Variants in PPM1F observed in about 807,000 individuals in gnomAD.
PPM1F encodes the protein protein phosphatase 1F.
In PPM1F, 17 loss-of-function variants were observed where a neutral mutation model predicts 35.5. The observed-to-expected ratio is 0.48, with a 90% CI of 0.33 to 0.72. The LOEUF (loss-of-function observed/expected upper bound fraction) is 0.72, where lower values mean the gene tolerates loss of function less well. Ranked by LOEUF, PPM1F falls within the 30% of genes least tolerant of loss-of-function variation. The pLI is 0.02. For missense variants in PPM1F, 521 were observed against 613.0 expected (o/e 0.85, Z 1.59); for synonymous variants, 241 against 255.5 (o/e 0.94, Z 0.54).
At chr22:21,928,709 G>A (rs1440914297) in intron 6 of PPM1F, among the ~76,000 whole-genome samples, 1 of 152,182 alleles carries the variant, frequency 6.6e-6, no homozygotes, top group Non-Finnish European at 1.5e-5. Flanking sequence ...CCTGAGGCTT[G>A]AGAGGTGGGA....
intron 6 of PPM1F, among the ~76,000 whole-genome samples, chr22:21,928,195 T>C (rs1424947045): frequency 6.6e-6 from 1 of 152,124 alleles, no homozygotes; most frequent in Non-Finnish European, 1.5e-5. Context: ...TGTGGGTTCC[T>C]GTGAACAGCC....
At position 21,952,779 on chromosome 22, in the gene PPM1F, C is replaced by A. The variant is rs547336608; in HGVS notation, c.-61+13G>T. On this transcript the variant is annotated intron_variant, in intron 1 of 7. Transcript: ENST00000263212. ...CGTCAGCCCTCTAATCCCGTCCCCC[C>A]CGGCCTCCTCACCCCTGGTCTCCGC... 2.5e-3 allele frequency: 381 copies of A among 152,486 alleles called. 2 individuals are homozygous for A. The highest frequency in any genetic ancestry group is 3.1e-3 in the Non-Finnish European group (214 of 68,216). The allele number at this position is 152,486 out of a possible 1,614,324, so 9.4% of individuals were successfully genotyped here.
intron 6 of PPM1F, among the ~76,000 whole-genome samples, chr22:21,927,444 T>C (rs972952428): frequency 6.6e-6 from 1 of 152,196 alleles, no homozygotes; most frequent in African/African-American, 2.4e-5. Context: ...AGCCTTTCTC[T>C]GCTTCTGTCT....
chr22:21,933,988 C>T (rs1039306508), intron 4 of PPM1F, 36 bp downstream of exon 4: 46 of 1,513,202 alleles, frequency 3.0e-5, no homozygotes, highest in Middle Eastern at 2.3e-4. Flanking sequence ...CCCGGTCCTC[C>T]GAAGCTGTCC....
intron 1 of PPM1F, chr22:21,951,926 G>A (rs933448313): frequency 6.6e-6 from 1 of 152,252 alleles, no homozygotes; most frequent in African/African-American, 2.4e-5. Context: ...TTTGACAACA[G>A]AAGAGACTGG....
intron 3 of PPM1F, chr22:21,938,222 C>T: frequency 2.3e-6 from 3 of 1,303,008 alleles, no homozygotes; most frequent in Non-Finnish European, 3.0e-6. Context: ...GGCGCTGTCT[C>T]CCGCGTGGAC....
In PPM1F at chr22:21,931,161, CT is replaced by C. The variant is rs2070584398; in HGVS notation, c.877del (p.Arg293AspfsTer56). On this transcript the variant is annotated frameshift_variant, in exon 6 of 8. Transcript: ENST00000263212. LOFTEE classifies it high-confidence loss of function. ...GQVVKLMEPH[R>X]PERQDEKARI... ...GGATCCCCTTACCTGCCGTTCTGGT[CT>C]GTGTGGCTCCATCAGCTTCACCACC... 6.2e-7 allele frequency: 1 copy of C among 1,614,044 alleles called. No homozygotes were observed. Among genetic ancestry groups the C allele is most frequent in the Non-Finnish European group, 8.5e-7 (1 of 1,180,028 alleles).
chr22:21,936,334 C>T (rs987430495), intron 3 of PPM1F: 3 of 151,892 alleles, frequency 2.0e-5, no homozygotes, highest in Admixed American at 6.5e-5. Context: ...GAACAGCACA[C>T]AACCAAGGTG....
chr22:21,938,489 G>C (rs903447966), intron 3 of PPM1F: 2 of 1,100,856 alleles, frequency 1.8e-6, no homozygotes, highest in African/African-American at 3.4e-5. Context: ...TGATGCTGGC[G>C]GCCTCGGGTA....
intron 6 of PPM1F, among the ~76,000 whole-genome samples, chr22:21,929,265 TG>T (rs2070559266): frequency 6.6e-6 from 1 of 151,368 alleles, no homozygotes; most frequent in Admixed American, 6.6e-5. Context: ...AAAGGGGAGG[TG>T]GGGGGCACTG....
In PPM1F at chr22:21,925,569, C is replaced by T. The variant is rs752082994; in HGVS notation, c.985G>A (p.Gly329Arg). The T allele has an allele frequency of 9.3e-6, 15 of 1,613,726 alleles. No individual in the cohort carries two copies. The highest frequency in any genetic ancestry group is 1.2e-5 in the Non-Finnish European group (14 of 1,179,850). The change falls in exon 7 of 8, where the codon GGG becomes AGG. Residue 329 changes from glycine (G) to arginine (R), a missense_variant and splice_region_variant. By Grantham distance (125) the Gly-to-Arg change is moderately radical (BLOSUM62 -2). Transcript: ENST00000263212. ...TTGGGTCGGCCTCTTTGGCTCTCACCGATGGCTCTGGAGACGGCCAGGGTC... is the reference window on the plus strand; with the variant it reads ...TTGGGTCGGCCTCTTTGGCTCTCACTGATGGCTCTGGAGACGGCCAGGGTC... ...NGTLAVSRAIGDVFQKPYVSG... is the reference protein window; with the variant it reads ...NGTLAVSRAIRDVFQKPYVSG...
chr22:21,932,970 G>C (rs962449300), intron 5 of PPM1F, among the ~76,000 whole-genome samples: 14 of 152,126 alleles, frequency 9.2e-5, no homozygotes, highest in African/African-American at 3.1e-4. Flanking sequence ...TCTTCTCTCT[G>C]CGCCCCGACT....
At position 21,923,106 on chromosome 22, in the gene PPM1F, G is replaced by C. The variant is rs764235417; in HGVS notation, c.1351C>G (p.Pro451Ala). ...CTGGAAACCACCTAGCTTCTTGGTG[G>C]AGCCTGGGTCTCAGGTTCTGGAAGG... The part of the protein sequence containing the change: ...SSLPEPETQA[P>A]PRS The change falls in exon 8 of 8, where the codon CCA becomes GCA. Residue 451 changes from proline (P) to alanine (A), a missense_variant. By Grantham distance (27) the Pro-to-Ala change is conservative (BLOSUM62 -1). Transcript: ENST00000263212. 8 of 1,604,418 alleles carry C rather than the reference G, an allele frequency of 5.0e-6. No individual in the cohort carries two copies. Among genetic ancestry groups the C allele is most frequent in the Non-Finnish European group, 6.8e-6 (8 of 1,175,834 alleles).
At chr22:21,930,432 A>C (rs536459312) in intron 6 of PPM1F, among the ~76,000 whole-genome samples, 1 of 152,204 alleles carries the variant, frequency 6.6e-6, no homozygotes, top group African/African-American at 2.4e-5. Context: ...TTTAGCACCG[A>C]AAGACTGAAA....
At position 21,921,155 on chromosome 22, in the gene PPM1F, C is replaced by T. The variant is rs2070443038; in HGVS notation, c.*1937G>A. ...GCCCCAGCAAAGCTGGCTCCCCGCT[C>T]CCTGTGGGACAGAGGGCTCCCACCG... On this transcript the variant is annotated 3_prime_UTR_variant, in exon 8 of 8. Coordinates refer to ENST00000263212, the MANE Select transcript of PPM1F (RefSeq NM_014634.4). The T allele has an allele frequency of 6.6e-6, 1 of 150,594 alleles. No homozygotes were observed. Among genetic ancestry groups the T allele is most frequent in the Non-Finnish European group, 1.5e-5 (1 of 66,742 alleles). The allele number at this position is 150,594 out of a possible 1,614,324, so 9.3% of individuals were successfully genotyped here.
chr22:21,925,650 G>A lies in PPM1F; in HGVS notation c.904C>T (p.Arg302Cys), dbSNP rs1395693423. ...ACAAAGCCACCCAATGCTTCAATGC[G>A]CGCCTTCTCATCCTGCAGAAACACA... ...HRPERQDEKA[R>C]IEALGGFVSH... The change falls in exon 7 of 8, where the codon CGC becomes TGC. Residue 302 changes from arginine (R) to cysteine (C), a missense_variant. This residue lies in a region of PPM1F where 47 missense variants were observed against 92.0 expected (regional missense o/e 0.51). Transcript: ENST00000263212. 6 of 1,589,582 alleles carry A rather than the reference G, an allele frequency of 3.8e-6. No homozygotes were observed. Among genetic ancestry groups the A allele is most frequent in the African/African-American group, 2.7e-5 (2 of 74,422 alleles).
chr22:21,932,151 C>A (rs1056326086), intron 5 of PPM1F, among the ~76,000 whole-genome samples: 6 of 152,062 alleles, frequency 3.9e-5, no homozygotes, highest in Admixed American at 2.0e-4. Flanking sequence ...CGAGGTTTCA[C>A]CATGTTGGCC....
rs775546838 is a variant in PPM1F at position 21,933,555 on chromosome 22, C to T, written c.583G>A (p.Ala195Thr). The change falls in exon 5 of 8, where the codon GCT (alanine) becomes ACT (threonine). Residue 195 changes from alanine to threonine, a missense_variant. Ala to Thr is a moderately conservative substitution (Grantham distance 58). This residue lies in a region of PPM1F where 311 missense variants were observed against 351.5 expected (regional missense o/e 0.88). Coordinates refer to ENST00000263212, the MANE Select transcript of PPM1F (RefSeq NM_014634.4). ...LSDPVNRAYF[A>T]VFDGHGGVDA... is the part of the protein sequence containing the mutation. ...ACGCCTCCGTGACCATCAAACACAG[C>T]AAAGTAGGCGCGGTTCACAGGGTCC... 1.2e-6 allele frequency: 2 copies of T among 1,612,926 alleles called. No individual in the cohort carries two copies. The highest frequency in any genetic ancestry group is 3.3e-5 in the Admixed American group (2 of 60,006).
chr22:21,933,701 G>A, intron 4 of PPM1F, 122 bp from the exon 5 acceptor site: 1 of 894,374 alleles, frequency 1.1e-6, no homozygotes, highest in Non-Finnish European at 1.7e-6. Context: ...CCCGGCTTAT[G>A]TGCGTATGAG....
Sources: allele counts gnomAD v4.1 joint callset (sites outside exome capture counted in the v4.1 genomes callset), GRCh38; gene constraint gnomAD v4.1.1; regional missense constraint gnomAD v4.1.1; transcripts MANE v1.5; gene names NCBI Gene and HGNC (gene_info 2026-07-23, HGNC 2026-07-21).